Variants in LGSN observed in about 807,000 individuals in gnomAD.
LGSN encodes lengsin, lens protein with glutamine synthetase domain, also known as lengsin.
LGSN carries 21 observed loss-of-function variants against 19.5 expected under a neutral mutation model. That is an observed-to-expected ratio of 1.07 (90% CI 0.76 to 1.55). The LOEUF is 1.55. LGSN is among the 40% of genes most tolerant of loss of function. The pLI is 0.00. For missense variants in LGSN, 673 were observed against 608.5 expected (o/e 1.11, Z -1.12); for synonymous variants, 257 against 215.6 (o/e 1.19, Z -1.68).
At chr6:63,500,676 C>T in the LGSN span, among the ~76,000 whole-genome samples, 1 of 152,016 alleles carries the variant, frequency 6.6e-6, no homozygotes, top group Non-Finnish European at 1.5e-5. Context: ...CCGCCTCGGC[C>T]TCCCAAAATG....
the LGSN span, among the ~76,000 whole-genome samples, chr6:63,422,614 T>C: frequency 1.3e-5 from 2 of 152,156 alleles, no homozygotes; most frequent in East Asian, 3.9e-4. Flanking sequence ...TGAGATAAGT[T>C]ATGTATATAT....
chr6:63,432,105 GA>G, the LGSN span, among the ~76,000 whole-genome samples: 18 of 64,056 alleles, frequency 2.8e-4, no homozygotes, highest in Non-Finnish European at 4.7e-4. Context: ...AAGAAAGAAA[GA>G]AAGAAAGAAA....
chr6:63,541,720 A>G, the LGSN span, among the ~76,000 whole-genome samples: 1 of 152,114 alleles, frequency 6.6e-6, no homozygotes, highest in Non-Finnish European at 1.5e-5. Context: ...GTCTCCATCC[A>G]ACTCCATTAA....
At chr6:63,550,280 G>C in the LGSN span, 1 of 152,176 alleles carries the variant, frequency 6.6e-6, no homozygotes, top group Non-Finnish European at 1.5e-5. Context: ...TGATTAATCA[G>C]AGATAATGTA....
chr6:63,446,503 G>A, the LGSN span, among the ~76,000 whole-genome samples: 1 of 152,086 alleles, frequency 6.6e-6, no homozygotes, highest in Non-Finnish European at 1.5e-5. Flanking sequence ...TAAGTTTCAC[G>A]AGGTCAAGGA....
At chr6:63,473,334 C>A in the LGSN span, among the ~76,000 whole-genome samples, 1 of 151,678 alleles carries the variant, frequency 6.6e-6, no homozygotes, top group Non-Finnish European at 1.5e-5. Context: ...ATTAGCCGGG[C>A]ATGGTGGTGC....
the LGSN span, among the ~76,000 whole-genome samples, chr6:63,417,603 A>G: frequency 6.6e-6 from 1 of 152,346 alleles, no homozygotes; most frequent in East Asian, 1.9e-4. Flanking sequence ...CCCTAACTAT[A>G]CTATGGCTTA....
chr6:63,309,203 A>AGGT (rs2127394189), intron 1 of LGSN, among the ~76,000 whole-genome samples: 1 of 152,240 alleles, frequency 6.6e-6, no homozygotes, highest in South Asian at 2.1e-4. Context: ...AGGCCGAGGC[A>AGGT]GGTAGATCAC....
chr6:63,398,199 C>A, the LGSN span, among the ~76,000 whole-genome samples: 1 of 139,266 alleles, frequency 7.2e-6, no homozygotes, highest in African/African-American at 2.9e-5. Flanking sequence ...GAGTATACTC[C>A]TATTTACTAA....
intron 1 of LGSN, among the ~76,000 whole-genome samples, chr6:63,308,132 T>C (rs1723522): frequency 0.053 from 8,002 of 152,296 alleles, 703 homozygotes; most frequent in African/African-American, 0.18. Flanking sequence ...CATAAATATA[T>C]ACATTTAATT....
chr6:63,556,300 A>G, the LGSN span, among the ~76,000 whole-genome samples: 2 of 150,656 alleles, frequency 1.3e-5, no homozygotes, highest in South Asian at 4.2e-4. Context: ...CTAGGAATAC[A>G]GGTGTATAAC....
At chr6:63,285,292 GA>G (rs34944259) in intron 3 of LGSN, among the ~76,000 whole-genome samples, 1 of 152,006 alleles carries the variant, frequency 6.6e-6, no homozygotes, top group Non-Finnish European at 1.5e-5. Flanking sequence ...CAGTAAGGGA[GA>G]AAAAATAATT....
the LGSN span, among the ~76,000 whole-genome samples, chr6:63,467,982 G>C: frequency 6.6e-6 from 1 of 152,000 alleles, no homozygotes; most frequent in East Asian, 1.9e-4. Flanking sequence ...GTGAGGCACC[G>C]GGCCCGGTCT....
chr6:63,292,613 ACT>A lies in LGSN; in HGVS notation c.163+2298_163+2299del, dbSNP rs1359213100. Among the ~76,000 whole-genome samples the A allele has an allele frequency of 2.6e-5, 4 of 152,108 alleles. No homozygotes were observed. The East Asian group carries it at 7.7e-4, about 29-fold the overall frequency. On this transcript the variant is annotated intron_variant, in intron 2 of 3. Transcript: ENST00000370657. ...AGTTAACCATGAAGCCCCAGTAAAG[ACT>A]CTGGACACCAAGACTCAAGTGAGCT... is the stretch of plus-strand genomic sequence containing the variant.
At chr6:63,396,338 G>T in the LGSN span, 1 of 234,912 alleles carries the variant, frequency 4.3e-6, no homozygotes. Flanking sequence ...CTGGTCTCAG[G>T]CTGCCTGCAC....
chr6:63,326,198 T>A, the LGSN span, among the ~76,000 whole-genome samples: 1 of 151,334 alleles, frequency 6.6e-6, no homozygotes, highest in East Asian at 1.9e-4. Flanking sequence ...ATTGGTGTGT[T>A]ACAAACCTTG....
At chr6:63,456,238 A>AT in the LGSN span, among the ~76,000 whole-genome samples, 1 of 150,990 alleles carries the variant, frequency 6.6e-6, no homozygotes, top group Non-Finnish European at 1.5e-5. Flanking sequence ...TAAAAAAAAA[A>AT]GTAAAAGTTA....
Position 63,280,554 on chromosome 6 carries a change from C to T in LGSN, c.997G>A (p.Gly333Arg), listed in dbSNP as rs1172352262. ...CCAGTGATCGTGAGCTGCTCAGTTC[C>T]AGAAGTGCTGCAGAACATGTTTTTC... ...RKKNMFCSTS[G>R]TEQLTITGKK... Residue 333 changes from glycine (G) to arginine (R), a missense_variant, in exon 4 of 4, where the codon GGA (glycine) becomes AGA (arginine). Physicochemically the swap from Gly to Arg is moderately radical, Grantham distance 125. Transcript: ENST00000370657. 1 of 1,613,966 alleles carries T rather than the reference C, an allele frequency of 6.2e-7. No individual in the cohort carries two copies. Among genetic ancestry groups the T allele is most frequent in the Non-Finnish European group, 8.5e-7 (1 of 1,180,028 alleles).
upstream of LGSN, among the ~76,000 whole-genome samples, chr6:63,321,828 C>T (rs1368452128): frequency 6.6e-6 from 1 of 152,158 alleles, no homozygotes; most frequent in Non-Finnish European, 1.5e-5. Flanking sequence ...TCAATCTGTA[C>T]TATATCCAGA....
Sources: allele counts gnomAD v4.1 joint callset (sites outside exome capture counted in the v4.1 genomes callset), GRCh38; gene constraint gnomAD v4.1.1; transcripts MANE v1.5; gene names NCBI Gene and HGNC (gene_info 2026-07-23, HGNC 2026-07-21).